AFF2: variants seen among roughly 807,000 people sequenced by gnomAD.
The protein encoded by AFF2 is ALF transcription elongation factor 2.
AFF2 carries 14 observed loss-of-function variants against 76.9 expected under a neutral mutation model. The observed-to-expected ratio is 0.18, with a 90% CI of 0.12 to 0.28. The LOEUF (loss-of-function observed/expected upper bound fraction) is 0.28, where lower values mean the gene tolerates loss of function less well. Among genes scored for constraint, AFF2 ranks in the 10% least tolerant of loss-of-function variants. The pLI, the probability that AFF2 is intolerant of heterozygous loss-of-function variation, is 1.00. For synonymous variants in AFF2, 398 were observed against 366.7 expected, an observed-to-expected ratio of 1.09 and a Z score of -0.98; for missense variants, 868 against 1,001.1, an observed-to-expected ratio of 0.87 and a Z score of 1.79.
intron 9 of AFF2, among the ~76,000 whole-genome samples, chrX:148,935,399 A>ACG (rs2071762658): frequency 1.0e-5 from 1 of 100,480 alleles, no homozygotes. Flanking sequence ...TTGAAACTAC[A>ACG]CACACACACA....
intron 20 of AFF2, among the ~76,000 whole-genome samples, chrX:148,990,514 C>T (rs1015441): frequency 0.29 from 32,161 of 111,672 alleles, 3,336 homozygotes; most frequent in Admixed American, 0.35. Flanking sequence ...CTAAGGCAGA[C>T]GTTCCAAAAC....
At chrX:148,920,603 G>GGT in intron 9 of AFF2, among the ~76,000 whole-genome samples, 2 of 77,842 alleles carry the variant, frequency 2.6e-5, no homozygotes. Context: ...ATGTCTTTGG[G>GGT]GTGTGTGTGT....
At chrX:148,664,137 C>T (rs2054335258) in intron 3 of AFF2, among the ~76,000 whole-genome samples, 2 of 111,337 alleles carry the variant, frequency 1.8e-5, no homozygotes, top group South Asian at 3.8e-4. Context: ...TCCATACCAT[C>T]CATGCAGGCT....
At chrX:148,636,941 A>G (rs372918169) in intron 1 of AFF2, among the ~76,000 whole-genome samples, 1 of 112,159 alleles carries the variant, frequency 8.9e-6, no homozygotes, top group Non-Finnish European at 1.9e-5. Context: ...TTCATCTTGT[A>G]AAAGGCAATT....
At chrX:148,684,972 G>A (rs1424748388) in intron 3 of AFF2, among the ~76,000 whole-genome samples, 1 of 112,501 alleles carries the variant, frequency 8.9e-6, no homozygotes, top group Non-Finnish European at 1.9e-5. Context: ...AAATAAATGT[G>A]TGTAATTGTT....
Position 148,853,593 on chromosome X carries a change from T to A in AFF2, c.1262+10160T>A, listed in dbSNP as rs138915648. Among the ~76,000 whole-genome samples, 724 of 112,087 alleles carry A rather than the reference T, an allele frequency of 6.5e-3. 3 individuals are homozygous for A. The highest frequency in any genetic ancestry group is 0.011 in the Non-Finnish European group (579 of 53,148). On this transcript the variant is annotated intron_variant, in intron 7 of 20. Coordinates refer to ENST00000370460, the MANE Select transcript of AFF2 (RefSeq NM_002025.4). ...TGAGGAAAGTCATGCCCAGGTGACC[T>A]AAGTGAGGCGTCCCAGCTCACACAG...
At chrX:148,976,472 A>T (rs1557290278) in intron 16 of AFF2, among the ~76,000 whole-genome samples, 1 of 111,910 alleles carries the variant, frequency 8.9e-6, no homozygotes, top group Non-Finnish European at 1.9e-5. Flanking sequence ...TTTTTTAATG[A>T]GAGGAATTTC....
chrX:148,891,075 A>G (rs991458636), intron 8 of AFF2, among the ~76,000 whole-genome samples: 6 of 111,898 alleles, frequency 5.4e-5, no homozygotes, highest in African/African-American at 1.9e-4. Flanking sequence ...CATCATAGAT[A>G]TAAAATCCAG....
intron 4 of AFF2, among the ~76,000 whole-genome samples, chrX:148,814,530 G>C (rs969508194): frequency 3.6e-5 from 4 of 111,834 alleles, no homozygotes; most frequent in Non-Finnish European, 7.5e-5. Flanking sequence ...GGGTAATTCA[G>C]TGTTTATGAG....
chrX:148,636,003 G>A (rs1281840414), intron 1 of AFF2, among the ~76,000 whole-genome samples: 2 of 110,203 alleles, frequency 1.8e-5, no homozygotes, highest in African/African-American at 6.6e-5. Context: ...TGCAATATAT[G>A]TATGAGTGTG....
At chrX:148,552,114 C>T (rs1456163663) in intron 1 of AFF2, among the ~76,000 whole-genome samples, 1 of 112,631 alleles carries the variant, frequency 8.9e-6, no homozygotes, top group African/African-American at 3.2e-5. Flanking sequence ...TCATGGACCC[C>T]ACCATGTGTA....
chrX:148,956,071 C>T lies in AFF2; in HGVS notation c.2026C>T (p.His676Tyr), dbSNP rs782557648. Residue 676 changes from histidine to tyrosine, a missense_variant, in exon 11 of 21, where the codon CAC (histidine) becomes TAC (tyrosine). By Grantham distance (83) the His-to-Tyr change is moderately conservative. This residue lies in a region of AFF2 where 532 missense variants were observed against 564.2 expected (regional missense o/e 0.94). Coordinates refer to ENST00000370460, the MANE Select transcript of AFF2 (RefSeq NM_002025.4). ...AAGAGGCCGCAACAAAGCCACTGCC[C>T]ACAAACCAGCCCCTAGGAAAGAACC... ...PPRGRNKATA[H>Y]KPAPRKEPRP... The T allele has an allele frequency of 2.5e-6, 3 of 1,210,960 alleles. No individual in the cohort carries two copies. In the African/African-American group the frequency reaches 5.2e-5, roughly 21 times the overall value.
intron 1 of AFF2, among the ~76,000 whole-genome samples, chrX:148,574,608 A>T (rs2023679): frequency 0.24 from 26,776 of 110,241 alleles, 2,625 homozygotes; most frequent in Non-Finnish European, 0.31. Flanking sequence ...GTGACTGAGG[A>T]TCTTACTTCT....
chrX:148,643,681 G>C (rs1557255022), intron 1 of AFF2, among the ~76,000 whole-genome samples: 1 of 111,632 alleles, frequency 9.0e-6, no homozygotes, highest in Non-Finnish European at 1.9e-5. Context: ...TATGGAAGAG[G>C]ACAAGGAAGT....
chrX:148,955,072 G>A (rs782561320), intron 10 of AFF2, among the ~76,000 whole-genome samples: 1 of 112,898 alleles, frequency 8.9e-6, no homozygotes, highest in East Asian at 2.8e-4. Flanking sequence ...TTGTCCTTCA[G>A]TAAAAATACA....
At chrX:148,581,417 CGTAT>C (rs782586614) in intron 1 of AFF2, among the ~76,000 whole-genome samples, 2 of 8,570 alleles carry the variant, frequency 2.3e-4, no homozygotes, top group African/African-American at 1.2e-3. Context: ...CACACATATA[CGTAT>C]ACGTCTACGT....
At chrX:148,784,746 C>T (rs2069792058) in intron 3 of AFF2, among the ~76,000 whole-genome samples, 1 of 111,821 alleles carries the variant, frequency 8.9e-6, no homozygotes, top group African/African-American at 3.3e-5. Context: ...GTTGTTCGCT[C>T]ACTAATTATT....
intron 1 of AFF2, among the ~76,000 whole-genome samples, chrX:148,644,765 C>T (rs2054127799): frequency 9.0e-6 from 1 of 111,549 alleles, no homozygotes; most frequent in Admixed American, 9.5e-5. Flanking sequence ...TTGATATGCC[C>T]AAATGGGTCA....
intron 8 of AFF2, among the ~76,000 whole-genome samples, chrX:148,892,493 A>G (rs898960466): frequency 1.8e-5 from 2 of 111,203 alleles, no homozygotes; most frequent in Admixed American, 1.9e-4. Flanking sequence ...GAGCGAGCTT[A>G]CTGGCCTGGT....
Sources: allele counts gnomAD v4.1 joint callset (sites outside exome capture counted in the v4.1 genomes callset), GRCh38; gene constraint gnomAD v4.1.1; regional missense constraint gnomAD v4.1.1; transcripts MANE v1.5; gene names NCBI Gene and HGNC (gene_info 2026-07-23, HGNC 2026-07-21).